The following ZDHHC14 variants were observed in gnomAD, a reference collection of about 807,000 sequenced individuals.
The protein encoded by ZDHHC14 is palmitoyltransferase ZDHHC14.
A neutral mutation model predicts 47.7 loss-of-function variants in ZDHHC14; 16 were observed. That is an observed-to-expected ratio of 0.34 (90% CI 0.23 to 0.51). The LOEUF is 0.51. Ranked by LOEUF, ZDHHC14 falls within the 20% of genes least tolerant of loss-of-function variation. The pLI is 0.97. For synonymous variants in ZDHHC14, 293 were observed against 278.9 expected (o/e 1.05, Z -0.50); for missense variants, 515 against 662.5 (o/e 0.78, Z 2.44).
chr6:157,489,650 A>C (rs547416769), intron 1 of ZDHHC14, among the ~76,000 whole-genome samples: 1 of 152,326 alleles, frequency 6.6e-6, no homozygotes, highest in South Asian at 2.1e-4. Context: ...GCTCTCCACC[A>C]GGCACACCGT....
chr6:157,541,244 G>A (rs1323060421), intron 1 of ZDHHC14, among the ~76,000 whole-genome samples: 2 of 152,132 alleles, frequency 1.3e-5, no homozygotes, highest in East Asian at 3.9e-4. Flanking sequence ...GTCAACATCA[G>A]CGATTGCTCC....
intron 1 of ZDHHC14, among the ~76,000 whole-genome samples, chr6:157,539,841 G>T (rs9457726): frequency 6.6e-6 from 1 of 151,468 alleles, no homozygotes; most frequent in African/African-American, 2.4e-5. Flanking sequence ...AGAAGTTACC[G>T]TTATTCACTG....
chr6:157,390,139 T>C (rs577677318), intron 1 of ZDHHC14, among the ~76,000 whole-genome samples: 12 of 152,330 alleles, frequency 7.9e-5, no homozygotes, highest in Middle Eastern at 6.8e-3. Flanking sequence ...TTCATTTTTG[T>C]CTTCATTTTA....
At chr6:157,460,957 A>G (rs767676232) in intron 1 of ZDHHC14, among the ~76,000 whole-genome samples, 5 of 152,168 alleles carry the variant, frequency 3.3e-5, no homozygotes, top group Non-Finnish European at 5.9e-5. Context: ...TTTTTCCTGT[A>G]TAGGACAATG....
At chr6:157,465,482 C>T (rs1463262058) in intron 1 of ZDHHC14, among the ~76,000 whole-genome samples, 1 of 152,062 alleles carries the variant, frequency 6.6e-6, no homozygotes, top group Non-Finnish European at 1.5e-5. Flanking sequence ...GCATTCTCCC[C>T]AGGAACCACA....
chr6:157,605,715 G>A (rs1024468317), intron 3 of ZDHHC14, among the ~76,000 whole-genome samples: 2 of 152,196 alleles, frequency 1.3e-5, no homozygotes, highest in Non-Finnish European at 2.9e-5. Flanking sequence ...ATGTGAGGAA[G>A]GCCATGACTT....
chr6:157,481,796 C>T (rs545420242), intron 1 of ZDHHC14, among the ~76,000 whole-genome samples: 90 of 152,240 alleles, frequency 5.9e-4, no homozygotes, highest in Non-Finnish European at 9.9e-4. Context: ...TCGATAGCAC[C>T]GATGCTTAGA....
intron 2 of ZDHHC14, among the ~76,000 whole-genome samples, chr6:157,562,528 A>G (rs945384614): frequency 2.0e-5 from 3 of 152,008 alleles, no homozygotes; most frequent in Admixed American, 6.6e-5. Context: ...GGCTCCCGAG[A>G]GGGTCTGTGA....
rs993851124 is a variant in ZDHHC14 at position 157,660,605 on chromosome 6, C to T, written c.1068+6978C>T. Among the ~76,000 whole-genome samples the T allele has an allele frequency of 7.9e-5, 12 of 152,310 alleles. No homozygotes were observed. In the East Asian group the frequency reaches 2.3e-3, roughly 29 times the overall value. On this transcript the variant is annotated intron_variant, in intron 8 of 8. Transcript: ENST00000359775. ...CTAGGAGCTGAGGGATAATTTATTACAATCTGTCGCTCCTCAGCCCAGGAC... is the reference window on the plus strand; with the variant it reads ...CTAGGAGCTGAGGGATAATTTATTATAATCTGTCGCTCCTCAGCCCAGGAC...
At chr6:157,398,086 C>CA (rs1364858848) in intron 1 of ZDHHC14, among the ~76,000 whole-genome samples, 1 of 141,936 alleles carries the variant, frequency 7.0e-6, no homozygotes, top group African/African-American at 2.7e-5. Context: ...AGCTCCCCAG[C>CA]CCCCCCCGGC....
intron 8 of ZDHHC14, among the ~76,000 whole-genome samples, chr6:157,663,723 C>T (rs936823774): frequency 1.3e-5 from 2 of 152,094 alleles, no homozygotes; most frequent in Non-Finnish European, 2.9e-5. Flanking sequence ...ACATGAGGCC[C>T]GATGCTCTTT....
chr6:157,633,030 T>A, intron 5 of ZDHHC14, 148 bp downstream of exon 5: 1 of 835,980 alleles, frequency 1.2e-6, no homozygotes, highest in Non-Finnish European at 2.0e-6. Context: ...CTGGCACGAG[T>A]AGTAGCTTCT....
chr6:157,636,110 T>C (rs1043281384), intron 5 of ZDHHC14, among the ~76,000 whole-genome samples: 1 of 151,884 alleles, frequency 6.6e-6, no homozygotes, highest in African/African-American at 2.4e-5. Context: ...CACCCGCACC[T>C]CCAGCCAAGG....
intron 8 of ZDHHC14, among the ~76,000 whole-genome samples, chr6:157,671,696 A>C (rs114597347): frequency 6.6e-6 from 1 of 152,182 alleles, no homozygotes; most frequent in African/African-American, 2.4e-5. Flanking sequence ...CATGTGACTT[A>C]AGAACGCGTG....
At chr6:157,513,634 TC>T (rs1286643403) in intron 1 of ZDHHC14, among the ~76,000 whole-genome samples, 1 of 152,234 alleles carries the variant, frequency 6.6e-6, no homozygotes, top group Non-Finnish European at 1.5e-5. Context: ...ATTTACTTCA[TC>T]CAGTCCGCAT....
chr6:157,566,617 G>A (rs946575042), intron 2 of ZDHHC14, among the ~76,000 whole-genome samples: 4 of 152,158 alleles, frequency 2.6e-5, no homozygotes, highest in African/African-American at 9.7e-5. Context: ...GACACCAAGC[G>A]GGAGGTCCCT....
At chr6:157,645,625 G>A in intron 5 of ZDHHC14, 112 bp from the exon 6 acceptor site, 1 of 769,402 alleles carries the variant, frequency 1.3e-6, no homozygotes, top group Admixed American at 2.5e-5. Flanking sequence ...GTGAGAGAGA[G>A]GCCAGCAACT....
At chr6:157,613,021 TA>T (rs1229934579) in intron 3 of ZDHHC14, among the ~76,000 whole-genome samples, 8 of 151,930 alleles carry the variant, frequency 5.3e-5, no homozygotes, top group Non-Finnish European at 8.8e-5. Context: ...AATGATCATT[TA>T]AAAAAAATTA....
intron 6 of ZDHHC14, 147 bp downstream of exon 6, chr6:157,645,986 C>A: frequency 1.6e-6 from 1 of 632,676 alleles, no homozygotes; most frequent in Non-Finnish European, 2.7e-6. Context: ...GCCGTGGAAA[C>A]TTCTCCACCT....
Sources: allele counts gnomAD v4.1 joint callset (sites outside exome capture counted in the v4.1 genomes callset), GRCh38; gene constraint gnomAD v4.1.1; transcripts MANE v1.5; gene names NCBI Gene and HGNC (gene_info 2026-07-23, HGNC 2026-07-21).